Variants in MYT1L observed in about 807,000 individuals in gnomAD.
MYT1L encodes myelin transcription factor 1 like.
Under a neutral mutation model 126.7 loss-of-function variants are expected in MYT1L, and 12 were observed. The ratio of observed to expected loss-of-function variants is 0.09; its 90% CI spans 0.06 to 0.15. The LOEUF (loss-of-function observed/expected upper bound fraction) is 0.15, where lower values mean the gene tolerates loss of function less well. MYT1L is among the 10% of genes least tolerant of loss of function. The probability of loss-of-function intolerance (pLI) is 1.00; values close to 1 mark genes in which losing one functional copy is unlikely to be tolerated. For missense variants in MYT1L, 979 were observed against 1,585.2 expected, an observed-to-expected ratio of 0.62 and a Z score of 6.49; for synonymous variants, 541 against 604.2, an observed-to-expected ratio of 0.90 and a Z score of 1.53.
intron 8 of MYT1L, among the ~76,000 whole-genome samples, chr2:1,946,974 C>G (rs1191939114): frequency 6.6e-6 from 1 of 152,172 alleles, no homozygotes; most frequent in Non-Finnish European, 1.5e-5. Flanking sequence ...TCCTCCAGAG[C>G]CTGCCCTTGG....
intron 2 of MYT1L, among the ~76,000 whole-genome samples, chr2:2,244,199 CGGTCTTTGTTGCTCCCA>C (rs1280905661): frequency 6.6e-6 from 1 of 152,096 alleles, no homozygotes. Flanking sequence ...AAATGCTGAC[CGGTCTTTGTTGCTCCCA>C]GGTCTTTGTT....
intron 5 of MYT1L, among the ~76,000 whole-genome samples, chr2:1,992,250 G>A (rs1329517392): frequency 3.9e-5 from 6 of 152,190 alleles, no homozygotes; most frequent in African/African-American, 4.8e-5. Context: ...GAATGTATGA[G>A]GTGATTGTTC....
At chr2:1,831,676 C>A (rs2148287941) in intron 21 of MYT1L, among the ~76,000 whole-genome samples, 1 of 152,336 alleles carries the variant, frequency 6.6e-6, no homozygotes, top group South Asian at 2.1e-4. Flanking sequence ...GCCACACCGG[C>A]CTCTCGCCAC....
chr2:1,889,023 T>C lies in MYT1L; in HGVS notation c.2520+218A>G, dbSNP rs1265585621. Reference sequence around the variant, plus strand: ...CATATTTGTTAGAAAATAAACTTTATCATTTACAAGAGTCAATACTTTGTT... The same window carrying C: ...CATATTTGTTAGAAAATAAACTTTACCATTTACAAGAGTCAATACTTTGTT... On this transcript the variant is annotated intron_variant, in intron 16 of 24. Coordinates refer to ENST00000647738, the MANE Select transcript of MYT1L (RefSeq NM_001303052.2). This position sits in a 1 kb window ranked among gnomAD's most constrained non-coding sequence, Gnocchi z 4.1. Among the ~76,000 whole-genome samples, 1 of 152,212 alleles carries C rather than the reference T, an allele frequency of 6.6e-6. No homozygotes were observed. Among genetic ancestry groups the C allele is most frequent in the Non-Finnish European group, 1.5e-5 (1 of 68,034 alleles).
intron 1 of MYT1L, among the ~76,000 whole-genome samples, chr2:2,293,451 C>A (rs2095628676): frequency 6.6e-6 from 1 of 152,152 alleles, no homozygotes; most frequent in African/African-American, 2.4e-5. Flanking sequence ...TGGTTAGAGG[C>A]AGATCTGCAG....
chr2:1,859,671 G>A (rs1445487207), intron 18 of MYT1L, among the ~76,000 whole-genome samples: 1 of 152,232 alleles, frequency 6.6e-6, no homozygotes. Context: ...CCCGCTGACA[G>A]CAGGAATATT....
chr2:1,882,216 T>C (rs1040692403), intron 18 of MYT1L, among the ~76,000 whole-genome samples: 2 of 152,018 alleles, frequency 1.3e-5, no homozygotes, highest in African/African-American at 2.4e-5. Flanking sequence ...AGGAGCTCAA[T>C]CCCCGTGCCC....
chr2:2,085,835 C>T (rs1023601), intron 3 of MYT1L, among the ~76,000 whole-genome samples: 3,002 of 152,282 alleles, frequency 0.02, 87 homozygotes, highest in African/African-American at 0.064. Context: ...TGAGACACCG[C>T]GCTCTCAGGC....
chr2:2,013,070 C>T (rs1388928752), intron 4 of MYT1L, among the ~76,000 whole-genome samples: 3 of 152,190 alleles, frequency 2.0e-5, no homozygotes, highest in Non-Finnish European at 4.4e-5. Context: ...CCCACAGATA[C>T]AGGAGAACAC....
chr2:2,182,157 G>A (rs978676696), intron 2 of MYT1L, among the ~76,000 whole-genome samples: 1 of 152,110 alleles, frequency 6.6e-6, no homozygotes, highest in South Asian at 2.1e-4. Flanking sequence ...CTGTGGCCAC[G>A]GACAGCACGC....
chr2:1,902,404 G>A (rs1043197446), intron 14 of MYT1L, among the ~76,000 whole-genome samples: 2 of 152,218 alleles, frequency 1.3e-5, no homozygotes, highest in African/African-American at 4.8e-5. Context: ...GCTGGGCCTT[G>A]TTTTGCCCCA....
chr2:2,050,248 T>C (rs1312094417), intron 4 of MYT1L, among the ~76,000 whole-genome samples: 1 of 152,202 alleles, frequency 6.6e-6, no homozygotes, highest in Non-Finnish European at 1.5e-5. Context: ...TGACATTTGC[T>C]CACTGTTTTA....
chr2:2,022,745 T>C (rs1384154455), intron 4 of MYT1L, among the ~76,000 whole-genome samples: 2 of 151,546 alleles, frequency 1.3e-5, no homozygotes, highest in African/African-American at 4.8e-5. Context: ...GGGTGCACAA[T>C]GTCAGTTCTT....
intron 3 of MYT1L, among the ~76,000 whole-genome samples, chr2:2,100,427 C>T (rs911805557): frequency 1.8e-4 from 28 of 152,052 alleles, no homozygotes; most frequent in African/African-American, 6.8e-4. Flanking sequence ...CTCCTTTTTT[C>T]CAGATTTGTG....
At chr2:2,306,865 C>T (rs2095865979) in intron 1 of MYT1L, among the ~76,000 whole-genome samples, 1 of 152,134 alleles carries the variant, frequency 6.6e-6, no homozygotes, top group Admixed American at 6.5e-5. Flanking sequence ...GGGTAGGTTA[C>T]ACCATTATAT....
At chr2:2,174,503 T>C (rs965910541) in intron 2 of MYT1L, among the ~76,000 whole-genome samples, 14 of 152,314 alleles carry the variant, frequency 9.2e-5, no homozygotes, top group African/African-American at 3.4e-4. Context: ...TGACCATTAA[T>C]GCTCACAATT....
chr2:1,792,871 C>CAAAAAAAAAAAAAAAAAAAAAAAAAAAAA (rs55682787), intron 23 of MYT1L, among the ~76,000 whole-genome samples: 2 of 76,290 alleles, frequency 2.6e-5, no homozygotes, highest in Non-Finnish European at 4.7e-5. Context: ...TTCCGTCTCA[C>CAAAAAAAAAAAAAAAAAAAAAAAAAAAAA]AAAAAAAAAA....
At chr2:2,232,292 G>T (rs559219841) in intron 2 of MYT1L, among the ~76,000 whole-genome samples, 1 of 152,338 alleles carries the variant, frequency 6.6e-6, no homozygotes, top group East Asian at 1.9e-4. Flanking sequence ...CTGCCCTCCA[G>T]CCGGGAGGCT....
At chr2:2,149,741 A>C (rs1657995989) in intron 3 of MYT1L, among the ~76,000 whole-genome samples, 1 of 152,220 alleles carries the variant, frequency 6.6e-6, no homozygotes, top group Non-Finnish European at 1.5e-5. Context: ...CCGAGAGTGC[A>C]TTATTAGGCT....
Sources: allele counts gnomAD v4.1 joint callset (sites outside exome capture counted in the v4.1 genomes callset), GRCh38; gene constraint gnomAD v4.1.1; non-coding constraint Gnocchi (gnomAD v3.1); transcripts MANE v1.5; gene names NCBI Gene and HGNC (gene_info 2026-07-23, HGNC 2026-07-21).